The following UCHL3 variants were observed in gnomAD, a reference collection of about 807,000 sequenced individuals.
UCHL3 encodes ubiquitin carboxyl-terminal hydrolase isozyme L3.
Under a neutral mutation model 35.8 loss-of-function variants are expected in UCHL3, and 22 were observed. The observed-to-expected ratio is 0.61, with a 90% confidence interval of 0.44 to 0.88. The LOEUF is 0.88. Ranked by LOEUF, UCHL3 falls within the 40% of genes least tolerant of loss-of-function variation. The pLI, the probability that UCHL3 is intolerant of heterozygous loss-of-function variation, is 0.00. For missense variants in UCHL3, 229 were observed against 276.9 expected, an observed-to-expected ratio of 0.83 and a Z score of 1.23; for synonymous variants, 90 against 92.8, an observed-to-expected ratio of 0.97 and a Z score of 0.17.
intron 2 of UCHL3, among the ~76,000 whole-genome samples, chr13:75,550,898 C>T (rs1322529088): frequency 6.6e-6 from 1 of 152,150 alleles, no homozygotes; most frequent in Admixed American, 6.5e-5. Flanking sequence ...GACAAAGAGA[C>T]ATCCTCTGTC....
intron 4 of UCHL3, 118 bp downstream of exon 4, chr13:75,566,969 C>G: frequency 8.6e-7 from 1 of 1,167,362 alleles, no homozygotes; most frequent in Admixed American, 2.5e-5. Context: ...TCCCTGCTTC[C>G]TTGATGATGG....
At chr13:75,566,278 A>C (rs1400285332) in intron 3 of UCHL3, among the ~76,000 whole-genome samples, 3 of 152,228 alleles carry the variant, frequency 2.0e-5, no homozygotes, top group African/African-American at 7.2e-5. Context: ...TCTAAATCAG[A>C]ATATGTAAAT....
chr13:75,551,056 G>A (rs975938), intron 2 of UCHL3, among the ~76,000 whole-genome samples: 87,533 of 151,966 alleles, frequency 0.58, 26,995 homozygotes, highest in Non-Finnish European at 0.69. Context: ...AATCTATGTT[G>A]ACTTTTCGCA....
intron 6 of UCHL3, among the ~76,000 whole-genome samples, chr13:75,577,969 C>A (rs978154339): frequency 2.0e-5 from 3 of 151,986 alleles, no homozygotes; most frequent in Non-Finnish European, 4.4e-5. Context: ...AGAACCCCCC[C>A]ATGTAAATTA....
rs146865307 is a variant in UCHL3 at position 75,585,945 on chromosome 13, A to T, written c.475-8970A>T. Among the ~76,000 whole-genome samples the T allele has an allele frequency of 4.5e-3, 691 of 152,220 alleles. 9 individuals carry two copies. Among genetic ancestry groups the T allele is most frequent in the African/African-American group, 0.015 (639 of 41,580 alleles). On this transcript the variant is annotated intron_variant, in intron 6 of 8. Coordinates refer to ENST00000377595, the MANE Select transcript of UCHL3 (RefSeq NM_006002.5). ...AAAATAATGCAAAAAGCAGAAAAGT[A>T]ACAGAGCAGATGGAAAAAATAAAGA...
chr13:75,594,096 T>G, intron 6 of UCHL3, among the ~76,000 whole-genome samples: 1 of 152,232 alleles, frequency 6.6e-6, no homozygotes, highest in African/African-American at 2.4e-5. Flanking sequence ...GTATAGTTAC[T>G]ACATATCATA....
intron 3 of UCHL3, among the ~76,000 whole-genome samples, chr13:75,564,270 C>T (rs2031613848): frequency 6.6e-6 from 1 of 151,868 alleles, no homozygotes; most frequent in Non-Finnish European, 1.5e-5. Context: ...CCCACCTCAG[C>T]CTCCCGAGTA....
chr13:75,591,814 A>T (rs2032484301), intron 6 of UCHL3, among the ~76,000 whole-genome samples: 1 of 152,122 alleles, frequency 6.6e-6, no homozygotes, highest in Admixed American at 6.6e-5. Context: ...CAGGTTGAGT[A>T]TCTCTTATCC....
chr13:75,592,456 A>ACATATATATATATATGTATATATG (rs2032532358), intron 6 of UCHL3, among the ~76,000 whole-genome samples: 3 of 119,064 alleles, frequency 2.5e-5, no homozygotes, highest in Admixed American at 8.9e-5. Context: ...ATATATATAT[A>ACATATATATATATATGTATATATG]TATATATATA....
intron 6 of UCHL3, among the ~76,000 whole-genome samples, chr13:75,593,340 C>T (rs755264078): frequency 6.6e-6 from 1 of 152,030 alleles, no homozygotes; most frequent in Non-Finnish European, 1.5e-5. Flanking sequence ...ACTGAGGTGG[C>T]CAGTAATATT....
rs1004731942 is a variant in UCHL3 at position 75,550,736 on chromosome 13, T to C, written c.54+749T>C. Reference sequence around the variant, plus strand: ...TTTTACCCTGTTTTTTTTTTTTTTTTCATTCTCAACAGCTCATTTCTTTTT... The same window carrying C: ...TTTTACCCTGTTTTTTTTTTTTTTTCCATTCTCAACAGCTCATTTCTTTTT... On this transcript the variant is annotated intron_variant, in intron 2 of 8. Coordinates refer to ENST00000377595, the MANE Select transcript of UCHL3 (RefSeq NM_006002.5). Among the ~76,000 whole-genome samples the C allele has an allele frequency of 1.8e-3, 235 of 130,898 alleles. 1 individual carries two copies. Among genetic ancestry groups the C allele is most frequent in the African/African-American group, 6.6e-3 (229 of 34,636 alleles). The allele number at this position is 130,898 out of a possible 152,430, so 85.9% of individuals were successfully genotyped here.
intron 2 of UCHL3, 67 bp from the exon 3 acceptor site, chr13:75,560,686 T>C: frequency 2.1e-6 from 3 of 1,414,664 alleles, no homozygotes; most frequent in Non-Finnish European, 2.9e-6. Flanking sequence ...ACACTATGTA[T>C]AGTATACTAG....
At chr13:75,596,978 C>A (rs2032660963) in intron 7 of UCHL3, among the ~76,000 whole-genome samples, 1 of 152,026 alleles carries the variant, frequency 6.6e-6, no homozygotes, top group African/African-American at 2.4e-5. Flanking sequence ...AAATTAGAAG[C>A]CTACTGGAAA....
intron 6 of UCHL3, 121 bp from the exon 7 acceptor site, chr13:75,594,794 G>A (rs2032600419): frequency 2.6e-6 from 2 of 765,974 alleles, no homozygotes; most frequent in Non-Finnish European, 4.2e-6. Flanking sequence ...ATTAAGCCTT[G>A]AATTATATTG....
chr13:75,587,136 T>C (rs1236934277), intron 6 of UCHL3, among the ~76,000 whole-genome samples: 4 of 151,306 alleles, frequency 2.6e-5, no homozygotes, highest in Admixed American at 6.6e-5. Flanking sequence ...GCCAATATAG[T>C]AGGGCAAGTA....
chr13:75,549,919 GC>G (rs2031017124), intron 1 of UCHL3, 56 bp from the exon 2 acceptor site: 1 of 1,614,170 alleles, frequency 6.2e-7, no homozygotes, highest in East Asian at 2.2e-5. Flanking sequence ...GAGCCGGCTT[GC>G]TGCCGCGAGT....
intron 7 of UCHL3, among the ~76,000 whole-genome samples, chr13:75,596,936 A>T (rs1322498852): frequency 6.6e-6 from 1 of 152,250 alleles, no homozygotes; most frequent in Non-Finnish European, 1.5e-5. Flanking sequence ...TTTGGTTTAG[A>T]TATTCTTTAT....
intron 6 of UCHL3, among the ~76,000 whole-genome samples, chr13:75,574,178 A>G (rs1272241123): frequency 6.6e-6 from 1 of 151,982 alleles, no homozygotes; most frequent in Admixed American, 6.6e-5. Flanking sequence ...AGATTGTGCC[A>G]CTGTACTCCA....
At chr13:75,559,188 A>C (rs920454661) in intron 2 of UCHL3, among the ~76,000 whole-genome samples, 2 of 151,832 alleles carry the variant, frequency 1.3e-5, no homozygotes, top group Admixed American at 6.6e-5. Flanking sequence ...TACAGGCGCC[A>C]GCCACCACGC....
Sources: gnomAD v4.1 joint callset for allele counts (sites outside exome capture counted in the v4.1 genomes callset) on GRCh38, gnomAD v4.1.1 for gene constraint, MANE v1.5 for transcripts, NCBI Gene and HGNC (gene_info 2026-07-23, HGNC 2026-07-21) for gene names.